Variants in TENM2 observed in about 807,000 individuals in gnomAD.
The protein encoded by TENM2 is teneurin-2.
A neutral mutation model predicts 245.2 loss-of-function variants in TENM2; 52 were observed. The observed-to-expected ratio is 0.21, with a 90% CI of 0.17 to 0.27. The LOEUF (loss-of-function observed/expected upper bound fraction) is 0.27. Among genes scored for constraint, TENM2 ranks in the 10% least tolerant of loss-of-function variants. The probability of loss-of-function intolerance (pLI) is 1.00; values close to 1 mark genes in which losing one functional copy is unlikely to be tolerated. For missense variants in TENM2, 3,046 were observed against 3,666.8 expected (o/e 0.83, Z 4.37); for synonymous variants, 1,363 against 1,438.9 (o/e 0.95, Z 1.19).
chr5:167,032,647 C>G, the TENM2 span, among the ~76,000 whole-genome samples: 2 of 152,052 alleles, frequency 1.3e-5, no homozygotes, highest in Non-Finnish European at 2.9e-5. Flanking sequence ...CTGATAGATA[C>G]GTATGGGAAT....
intron 2 of TENM2, among the ~76,000 whole-genome samples, chr5:167,642,006 T>C (rs1779644560): frequency 6.6e-6 from 1 of 152,028 alleles, no homozygotes; most frequent in East Asian, 1.9e-4. Context: ...CCAGGCATGG[T>C]GGTGCGTGCC....
intron 2 of TENM2, among the ~76,000 whole-genome samples, chr5:167,471,965 A>G (rs1211132139): frequency 6.6e-6 from 1 of 152,198 alleles, no homozygotes; most frequent in Non-Finnish European, 1.5e-5. Context: ...TTGGTATGCA[A>G]CGCCATTGCC....
chr5:167,257,076 C>T, the TENM2 span, among the ~76,000 whole-genome samples: 1 of 152,140 alleles, frequency 6.6e-6, no homozygotes, highest in African/African-American at 2.4e-5. Flanking sequence ...TCATGCATCA[C>T]CACACAGAGA....
chr5:167,471,533 TA>T (rs370570533), intron 2 of TENM2, among the ~76,000 whole-genome samples: 3,664 of 152,166 alleles, frequency 0.024, 109 homozygotes, highest in African/African-American at 0.072. Context: ...CAATCTTCAA[TA>T]AAAAAAATCA....
rs562254443 is a variant in TENM2, at chr5:167,959,340, G to A, written c.947+6518G>A. ...CTCCCCAGCAGCTGGGACTACAGGC[G>A]CACACCACCACACCCAGCTAATTTT... On this transcript the variant is annotated intron_variant, in intron 4 of 28. Transcript: ENST00000518659. 8.2e-4 allele frequency among the ~76,000 whole-genome samples: 124 copies of A among 152,090 alleles called. 1 individual carries two copies. Among genetic ancestry groups the A allele is most frequent in the Middle Eastern group, 6.8e-3 (2 of 292 alleles).
At chr5:167,944,056 G>A (rs369594288) in intron 3 of TENM2, among the ~76,000 whole-genome samples, 17 of 152,300 alleles carry the variant, frequency 1.1e-4, no homozygotes, top group African/African-American at 3.8e-4. Flanking sequence ...ATACTTTCCT[G>A]ATGATTTAGG....
At chr5:168,004,515 G>GCACACACA (rs1442487727) in intron 5 of TENM2, among the ~76,000 whole-genome samples, 39 of 73,702 alleles carry the variant, frequency 5.3e-4, no homozygotes, top group African/African-American at 1.9e-3. Context: ...ATGCGCGCGC[G>GCACACACA]CGCACACACA....
intron 1 of TENM2, among the ~76,000 whole-genome samples, chr5:167,334,816 C>T (rs765173636): frequency 5.9e-5 from 9 of 152,142 alleles, no homozygotes; most frequent in Non-Finnish European, 8.8e-5. Flanking sequence ...ATTTTGCAAT[C>T]GTCACTCAAG....
chr5:167,265,123 C>G, the TENM2 span, among the ~76,000 whole-genome samples: 1 of 151,134 alleles, frequency 6.6e-6, no homozygotes, highest in Non-Finnish European at 1.5e-5. Context: ...GTCAGGAGTT[C>G]AAGACCAACC....
intron 5 of TENM2, among the ~76,000 whole-genome samples, chr5:168,003,529 A>C (rs1305067224): frequency 1.3e-5 from 2 of 152,204 alleles, no homozygotes; most frequent in Non-Finnish European, 2.9e-5. Flanking sequence ...GGGATAAAAT[A>C]TGGAACAGTT....
chr5:167,364,018 A>G (rs957935088), intron 1 of TENM2, among the ~76,000 whole-genome samples: 1 of 152,148 alleles, frequency 6.6e-6, no homozygotes, highest in Admixed American at 6.5e-5. Context: ...AAGAGTAATC[A>G]TAAGAAATCA....
At chr5:167,233,928 A>G in the TENM2 span, among the ~76,000 whole-genome samples, 2 of 148,452 alleles carry the variant, frequency 1.3e-5, no homozygotes, top group African/African-American at 2.6e-5. Flanking sequence ...GCTTTAAAAA[A>G]GGATGAAAAT....
chr5:167,704,905 G>A (rs919899477), intron 2 of TENM2, among the ~76,000 whole-genome samples: 1 of 152,184 alleles, frequency 6.6e-6, no homozygotes, highest in Non-Finnish European at 1.5e-5. Context: ...TAGGTCTGCT[G>A]GAGTGTGTGT....
chr5:167,807,027 C>G (rs193267839), intron 2 of TENM2, among the ~76,000 whole-genome samples: 99 of 146,940 alleles, frequency 6.7e-4, no homozygotes, highest in Admixed American at 6.7e-3. Flanking sequence ...CCATTAGTCT[C>G]TAGTCCCTCT....
chr5:167,766,963 G>A (rs142130182), intron 2 of TENM2, among the ~76,000 whole-genome samples: 1 of 152,126 alleles, frequency 6.6e-6, no homozygotes. Context: ...AATATAAAAT[G>A]ATATCATTGC....
intron 1 of TENM2, among the ~76,000 whole-genome samples, chr5:167,344,626 G>A (rs1396986802): frequency 3.3e-5 from 5 of 152,118 alleles, no homozygotes; most frequent in Non-Finnish European, 5.9e-5. Flanking sequence ...TAATATGCTT[G>A]CATTGCCTTT....
At chr5:167,617,150 A>C (rs769659186) in intron 2 of TENM2, among the ~76,000 whole-genome samples, 68 of 152,198 alleles carry the variant, frequency 4.5e-4, no homozygotes, top group Non-Finnish European at 9.4e-4. Context: ...TCCCTTCTTT[A>C]AATTGTGTCA....
chr5:167,834,693 A>AG (rs1768818739), intron 2 of TENM2, among the ~76,000 whole-genome samples: 1 of 137,490 alleles, frequency 7.3e-6, no homozygotes, highest in African/African-American at 2.8e-5. Flanking sequence ...TCTGTAGCCC[A>AG]GGCTGGAATG....
At chr5:168,021,548 C>A (rs955732253) in intron 5 of TENM2, among the ~76,000 whole-genome samples, 1 of 152,152 alleles carries the variant, frequency 6.6e-6, no homozygotes, top group Non-Finnish European at 1.5e-5. Flanking sequence ...TTTTTCATAT[C>A]TTTACTCTGT....
Sources: allele counts gnomAD v4.1 joint callset (sites outside exome capture counted in the v4.1 genomes callset), GRCh38; gene constraint gnomAD v4.1.1; transcripts MANE v1.5; gene names NCBI Gene and HGNC (gene_info 2026-07-23, HGNC 2026-07-21).